The following OSBPL3 variants were observed in gnomAD, a reference collection of about 807,000 sequenced individuals.
The protein encoded by OSBPL3 is oxysterol-binding protein-related protein 3.
OSBPL3 carries 65 observed loss-of-function variants against 120.1 expected under a neutral mutation model. The observed-to-expected ratio is 0.54, with a 90% CI of 0.44 to 0.67. The LOEUF is 0.67. Among genes scored for constraint, OSBPL3 ranks in the 30% least tolerant of loss-of-function variants. OSBPL3 has a pLI of 0.00. For missense variants in OSBPL3, 1,004 were observed against 1,082.1 expected, an observed-to-expected ratio of 0.93 and a Z score of 1.01; for synonymous variants, 416 against 402.6, an observed-to-expected ratio of 1.03 and a Z score of -0.40.
intron 22 of OSBPL3, among the ~76,000 whole-genome samples, chr7:24,801,538 C>T (rs1051881232): frequency 6.6e-5 from 10 of 152,210 alleles, no homozygotes; most frequent in Non-Finnish European, 1.3e-4. Context: ...CACTGTTCTA[C>T]CCTTTCAGCT....
chr7:24,905,400 C>T (rs1269603666), intron 1 of OSBPL3, among the ~76,000 whole-genome samples: 1 of 152,094 alleles, frequency 6.6e-6, no homozygotes, highest in Non-Finnish European at 1.5e-5. Context: ...TTCATGGGAC[C>T]TGACAGTAAG....
At position 24,917,445 on chromosome 7, in the gene OSBPL3, A is replaced by ATTTG. The variant is rs1477369372; in HGVS notation, c.-149-24825_-149-24824insCAAA. Among the ~76,000 whole-genome samples the ATTTG allele has an allele frequency of 3.5e-5, 4 of 113,844 alleles. No individual in the cohort carries two copies. The South Asian group carries it at 1.3e-3, about 38-fold the overall frequency. The allele number at this position is 113,844 out of a possible 152,430, so 74.7% of individuals were successfully genotyped here. On this transcript the variant is annotated intron_variant, in intron 1 of 22. Coordinates refer to ENST00000313367, the MANE Select transcript of OSBPL3 (RefSeq NM_015550.4). ...ATATATATTTGTAACATATATATAT[A>ATTTG]TACACACACATATATATATATATAC...
chr7:24,938,778 G>GAT lies in OSBPL3; in HGVS notation c.-150+41106_-150+41107dup, dbSNP rs1245792166. On this transcript the variant is annotated intron_variant, in intron 1 of 22. Transcript: ENST00000313367. This position sits in a 1 kb window ranked among gnomAD's most constrained non-coding sequence, Gnocchi z 5.8. ...AAACTGAATAATGAGGTTTTGTTTT[G>GAT]ATGTGTGTGTGTGTGTGTGTGTGTG... Among the ~76,000 whole-genome samples, 2 of 68,280 alleles carry GAT rather than the reference G, an allele frequency of 2.9e-5. No homozygotes were observed. Among genetic ancestry groups the GAT allele is most frequent in the Admixed American group, 3.5e-4 (2 of 5,672 alleles). 44.8% of individuals were successfully genotyped at this position (68,280 alleles called of 152,430 possible). A position where few individuals can be genotyped will look rare whatever the true frequency, so the allele number is the denominator to read the frequency against.
rs1193233627 is a variant in OSBPL3 at position 24,937,093 on chromosome 7, C to A, written c.-150+42793G>T. ...GGCTGGGGAAGCCTCAGGAAACTTA[C>A]AATCATGGCAGAAGGGGAAGCAAAC... On this transcript the variant is annotated intron_variant, in intron 1 of 22. Coordinates refer to ENST00000313367, the MANE Select transcript of OSBPL3 (RefSeq NM_015550.4). The surrounding 1 kb of genome is among the most constrained non-coding windows in gnomAD (Gnocchi z 4.0). 6.6e-6 allele frequency among the ~76,000 whole-genome samples: 1 copy of A among 152,164 alleles called. No individual in the cohort carries two copies. The highest frequency in any genetic ancestry group is 1.5e-5 in the Non-Finnish European group (1 of 68,028).
At chr7:24,811,530 C>G (rs1562759623) in intron 19 of OSBPL3, among the ~76,000 whole-genome samples, 1 of 152,100 alleles carries the variant, frequency 6.6e-6, no homozygotes, top group Non-Finnish European at 1.5e-5. Flanking sequence ...TCTATGTTTG[C>G]TTTTGTTGTC....
At chr7:24,888,779 G>A (rs1195935699) in intron 2 of OSBPL3, among the ~76,000 whole-genome samples, 1 of 152,172 alleles carries the variant, frequency 6.6e-6, no homozygotes, top group Admixed American at 6.5e-5. Context: ...AGGAAGACCA[G>A]GTTCAAGTTT....
intron 1 of OSBPL3, among the ~76,000 whole-genome samples, chr7:24,962,449 AGG>A (rs1815893239): frequency 1.6e-5 from 2 of 122,066 alleles, no homozygotes; most frequent in African/African-American, 6.4e-5. Flanking sequence ...AGGAGAGAGG[AGG>A]AGAGAGGAGG....
intron 1 of OSBPL3, among the ~76,000 whole-genome samples, chr7:24,975,625 C>A (rs1817502269): frequency 6.6e-6 from 1 of 152,126 alleles, no homozygotes; most frequent in South Asian, 2.1e-4. Context: ...GCCTTCAAGG[C>A]ATTTAAAATC....
Position 24,825,629 on chromosome 7 carries a change from C to G in OSBPL3, c.1884+5139G>C, listed in dbSNP as rs1389500833. On this transcript the variant is annotated intron_variant, in intron 16 of 22. Coordinates refer to ENST00000313367, the MANE Select transcript of OSBPL3 (RefSeq NM_015550.4). ...CTTTGAGTGTCTTTAAGAATTTACC[C>G]TTTGACAGTATCTTTACTTATTTAA... 2.6e-5 allele frequency among the ~76,000 whole-genome samples: 4 copies of G among 152,160 alleles called. No homozygotes were observed. The East Asian group carries it at 7.7e-4, about 29-fold the overall frequency.
At position 24,930,967 on chromosome 7, in the gene OSBPL3, A is replaced by G. The variant is rs1811717825; in HGVS notation, c.-149-38346T>C. ...AAAAATTATTTAACATTCTCACAGG[A>G]AGTACGTGTTCAGAGGCAAAAAGTG... On this transcript the variant is annotated intron_variant, in intron 1 of 22. Coordinates refer to ENST00000313367, the MANE Select transcript of OSBPL3 (RefSeq NM_015550.4). The surrounding 1 kb of genome is among the most constrained non-coding windows in gnomAD (Gnocchi z 4.4). 6.6e-6 allele frequency among the ~76,000 whole-genome samples: 1 copy of G among 152,206 alleles called. No homozygotes were observed. Among genetic ancestry groups the G allele is most frequent in the Non-Finnish European group, 1.5e-5 (1 of 68,042 alleles).
At chr7:24,809,710 T>C in intron 20 of OSBPL3, 97 bp downstream of exon 20, 1 of 1,142,648 alleles carries the variant, frequency 8.8e-7, no homozygotes, top group Admixed American at 2.1e-5. Flanking sequence ...AGGCTGGAGA[T>C]GCTGAACAGA....
rs547955318 is a variant in OSBPL3, at chr7:24,937,032, A to C, written c.-150+42854T>G. Among the ~76,000 whole-genome samples, 210 of 152,338 alleles carry C rather than the reference A, an allele frequency of 1.4e-3. No individual in the cohort carries two copies. Among genetic ancestry groups the C allele is most frequent in the Middle Eastern group, 6.8e-3 (2 of 292 alleles). ...ACATACCCAAGACTGGGTAATTTAT[A>C]AAGGAAAGAGGTTTAATTGACTCAC... On this transcript the variant is annotated intron_variant, in intron 1 of 22. Coordinates refer to ENST00000313367, the MANE Select transcript of OSBPL3 (RefSeq NM_015550.4). The surrounding 1 kb of genome is among the most constrained non-coding windows in gnomAD (Gnocchi z 4.0).
Position 24,881,373 on chromosome 7 carries a change from T to C in OSBPL3, c.97-9304A>G, listed in dbSNP as rs12532343. Among the ~76,000 whole-genome samples the C allele has an allele frequency of 4.2e-3, 635 of 152,352 alleles. 3 individuals carry two copies. The highest frequency in any genetic ancestry group is 0.011 in the South Asian group (53 of 4,822). ...AATGACTTTAGTGCCAAGTATGTTA[T>C]AGTCCAGTTTGTAACGGAGCTTCTT... On this transcript the variant is annotated intron_variant, in intron 2 of 22. Coordinates refer to ENST00000313367, the MANE Select transcript of OSBPL3 (RefSeq NM_015550.4). This position sits in a 1 kb window ranked among gnomAD's most constrained non-coding sequence, Gnocchi z 4.3.
At chr7:24,926,501 C>G (rs1415215653) in intron 1 of OSBPL3, among the ~76,000 whole-genome samples, 6 of 152,198 alleles carry the variant, frequency 3.9e-5, no homozygotes, top group Non-Finnish European at 8.8e-5. Flanking sequence ...GTGTTACATA[C>G]AAGGCTCAAT....
At chr7:24,975,949 G>T (rs1406901548) in intron 1 of OSBPL3, among the ~76,000 whole-genome samples, 1 of 152,194 alleles carries the variant, frequency 6.6e-6, no homozygotes, top group Non-Finnish European at 1.5e-5. Flanking sequence ...ACGCTTTGTT[G>T]ATTAATAAAA....
chr7:24,920,114 C>T (rs1562927544), intron 1 of OSBPL3, among the ~76,000 whole-genome samples: 2 of 152,022 alleles, frequency 1.3e-5, no homozygotes, highest in African/African-American at 4.8e-5. Flanking sequence ...CATGGAGTTA[C>T]CATGTGACCC....
intron 1 of OSBPL3, among the ~76,000 whole-genome samples, chr7:24,961,619 C>T (rs990488657): frequency 6.6e-6 from 1 of 152,130 alleles, no homozygotes; most frequent in African/African-American, 2.4e-5. Flanking sequence ...CAGGCCCTCA[C>T]CAGACACCAG....
chr7:24,797,684 A>G lies in OSBPL3; in HGVS notation c.*2499T>C, dbSNP rs1791867207. On this transcript the variant is annotated 3_prime_UTR_variant, in exon 23 of 23. Transcript: ENST00000313367. The surrounding 1 kb of genome is among the most constrained non-coding windows in gnomAD (Gnocchi z 4.8). ...AGGGTGGTTACCTGCACAAAGTCCC[A>G]TTTCCAAAAATTTCTGTGTAATTCA... is the stretch of plus-strand genomic sequence containing the variant. 6.6e-6 allele frequency: 1 copy of G among 151,952 alleles called. No homozygotes were observed. Among genetic ancestry groups the G allele is most frequent in the Admixed American group, 6.6e-5 (1 of 15,244 alleles). 9.4% of individuals were successfully genotyped at this position (151,952 alleles called of 1,614,324 possible).
intron 2 of OSBPL3, among the ~76,000 whole-genome samples, chr7:24,889,527 A>G (rs1805024396): frequency 6.6e-6 from 1 of 152,228 alleles, no homozygotes; most frequent in Non-Finnish European, 1.5e-5. Context: ...TAAAGTGTAC[A>G]TGTATCAACA....
Sources: gnomAD v4.1 joint callset for allele counts (sites outside exome capture counted in the v4.1 genomes callset) on GRCh38, gnomAD v4.1.1 for gene constraint, Gnocchi (gnomAD v3.1) non-coding constraint, MANE v1.5 for transcripts, NCBI Gene and HGNC (gene_info 2026-07-23, HGNC 2026-07-21) for gene names.